The following DIP2B variants were observed in gnomAD, a reference collection of about 807,000 sequenced individuals.
DIP2B encodes the protein DIP2 acetate--CoA ligase B (putative), also known as disco-interacting protein 2 homolog B.
DIP2B carries 76 observed loss-of-function variants against 198.0 expected under a neutral mutation model. That is an observed-to-expected ratio of 0.38 (90% CI 0.32 to 0.46). The LOEUF (loss-of-function observed/expected upper bound fraction) is 0.46, where lower values mean the gene tolerates loss of function less well. DIP2B is among the 20% of genes least tolerant of loss of function. The pLI, the probability that DIP2B is intolerant of heterozygous loss-of-function variation, is 0.99. For synonymous variants in DIP2B, 701 were observed against 739.1 expected, an observed-to-expected ratio of 0.95 and a Z score of 0.84; for missense variants, 1,559 against 1,978.4, an observed-to-expected ratio of 0.79 and a Z score of 4.02.
chr12:50,629,968 ATG>A (rs1938013189), intron 2 of DIP2B, among the ~76,000 whole-genome samples: 1 of 141,026 alleles, frequency 7.1e-6, no homozygotes, highest in Non-Finnish European at 1.5e-5. Context: ...TTTTTTTTTA[ATG>A]AGACAGTCCT....
At chr12:50,732,955 G>C (rs992485892) in intron 32 of DIP2B, among the ~76,000 whole-genome samples, 5 of 151,758 alleles carry the variant, frequency 3.3e-5, no homozygotes, top group Admixed American at 6.6e-5. Context: ...ACCCCAGCTG[G>C]AGTGTAGTGG....
intron 1 of DIP2B, among the ~76,000 whole-genome samples, chr12:50,558,661 G>A (rs752210803): frequency 4.6e-5 from 7 of 152,154 alleles, no homozygotes; most frequent in Non-Finnish European, 1.0e-4. Context: ...CTCATTAAAT[G>A]ACAGTAAGAA....
At chr12:50,631,046 G>A (rs911219341) in intron 2 of DIP2B, among the ~76,000 whole-genome samples, 1 of 152,024 alleles carries the variant, frequency 6.6e-6, no homozygotes, top group Non-Finnish European at 1.5e-5. Context: ...ACTGTTTTAT[G>A]TAGTTAACAA....
intron 4 of DIP2B, among the ~76,000 whole-genome samples, chr12:50,661,669 A>G (rs1224956406): frequency 6.6e-6 from 1 of 152,234 alleles, no homozygotes; most frequent in Non-Finnish European, 1.5e-5. Context: ...CTTCCACATT[A>G]GTACAGCACA....
chr12:50,648,680 T>A (rs2139496946), intron 3 of DIP2B, among the ~76,000 whole-genome samples: 1 of 144,372 alleles, frequency 6.9e-6, no homozygotes, highest in South Asian at 2.2e-4. Context: ...TTTTTTTTTT[T>A]TGAGTTGGGT....
intron 1 of DIP2B, among the ~76,000 whole-genome samples, chr12:50,603,789 T>G (rs1225665741): frequency 1.3e-5 from 2 of 152,214 alleles, no homozygotes; most frequent in Admixed American, 6.5e-5. Context: ...GAGGTATGAC[T>G]TGGCCCACCA....
chr12:50,596,229 T>C (rs1367430014), intron 1 of DIP2B, among the ~76,000 whole-genome samples: 1 of 152,206 alleles, frequency 6.6e-6, no homozygotes, highest in Non-Finnish European at 1.5e-5. Context: ...GTTTTAGAAG[T>C]ATAAAAGTAA....
At chr12:50,634,744 T>A (rs1241076183) in intron 2 of DIP2B, among the ~76,000 whole-genome samples, 1 of 152,206 alleles carries the variant, frequency 6.6e-6, no homozygotes, top group Non-Finnish European at 1.5e-5. Flanking sequence ...GGAGGAACAT[T>A]ATTTTTTATT....
intron 2 of DIP2B, among the ~76,000 whole-genome samples, chr12:50,626,353 G>A (rs912102345): frequency 1.3e-5 from 2 of 152,156 alleles, no homozygotes; most frequent in African/African-American, 2.4e-5. Context: ...AAACCACATC[G>A]TATTTATGAT....
At chr12:50,571,614 G>A (rs552570140) in intron 1 of DIP2B, among the ~76,000 whole-genome samples, 1 of 139,470 alleles carries the variant, frequency 7.2e-6, no homozygotes, top group South Asian at 2.4e-4. Context: ...GTGCAATGGC[G>A]TGATCTTGGC....
intron 1 of DIP2B, among the ~76,000 whole-genome samples, chr12:50,534,442 G>C (rs1393425108): frequency 7.3e-6 from 1 of 136,900 alleles, no homozygotes; most frequent in Non-Finnish European, 1.5e-5. Flanking sequence ...GCGCAATCTC[G>C]GTTCACTGCA....
intron 9 of DIP2B, 150 bp from the exon 10 acceptor site, chr12:50,682,988 C>A: frequency 1.6e-6 from 1 of 636,590 alleles, no homozygotes; most frequent in South Asian, 2.4e-5. Flanking sequence ...GTGTCTCTAT[C>A]TCAGTAACTT....
chr12:50,557,055 C>T (rs1006310366), intron 1 of DIP2B, among the ~76,000 whole-genome samples: 3 of 152,092 alleles, frequency 2.0e-5, no homozygotes, highest in Non-Finnish European at 4.4e-5. Context: ...CCATGTTGGC[C>T]AGGCTGGTCT....
At chr12:50,685,788 C>A in intron 10 of DIP2B, 45 bp from the exon 11 acceptor site, 1 of 1,591,598 alleles carries the variant, frequency 6.3e-7, no homozygotes, top group Non-Finnish European at 8.6e-7. Context: ...CATGAGTGTG[C>A]TCACATTCGC....
At chr12:50,685,608 G>A (rs1378549338) in intron 10 of DIP2B, among the ~76,000 whole-genome samples, 1 of 152,196 alleles carries the variant, frequency 6.6e-6, no homozygotes, top group Non-Finnish European at 1.5e-5. Flanking sequence ...TTTATCATTT[G>A]TAATGTCTGG....
At chr12:50,624,428 G>A (rs1365347850) in intron 1 of DIP2B, among the ~76,000 whole-genome samples, 1 of 152,106 alleles carries the variant, frequency 6.6e-6, no homozygotes, top group African/African-American at 2.4e-5. Flanking sequence ...CACCTCCCGG[G>A]TTCAAGCAAT....
intron 1 of DIP2B, among the ~76,000 whole-genome samples, chr12:50,604,066 T>C (rs1200409243): frequency 6.6e-6 from 1 of 151,892 alleles, no homozygotes; most frequent in Non-Finnish European, 1.5e-5. Flanking sequence ...TTCTGATGGA[T>C]TGTACGCTCC....
rs761545598 is a variant in DIP2B, at chr12:50,674,572, ATAGT to A, written c.742_745del (p.Val248LysfsTer33). 1 of 1,614,090 alleles carries A rather than the reference ATAGT, an allele frequency of 6.2e-7. No homozygotes were observed. Among genetic ancestry groups the A allele is most frequent in the Non-Finnish European group, 8.5e-7 (1 of 1,180,012 alleles). On this transcript the variant is annotated frameshift_variant, in exon 6 of 38. Transcript: ENST00000301180. LOFTEE classifies it high-confidence loss of function. ...AAACATTGACCTGCCCCCCTCGGGG[ATAGT>A]TAAAGGCATGCACAAAGGATCCAAC...
At position 50,708,510 on chromosome 12, in the gene DIP2B, G is replaced by T. The variant is rs1300995104; in HGVS notation, c.2597G>T (p.Arg866Ile). 1 of 1,608,252 alleles carries T rather than the reference G, an allele frequency of 6.2e-7. No individual in the cohort carries two copies. The highest frequency in any genetic ancestry group is 8.5e-7 in the Non-Finnish European group (1 of 1,177,074). Residue 866 changes from arginine (R) to isoleucine (I), a missense_variant, in exon 22 of 38, where the codon AGA becomes ATA. By Grantham distance (97) the Arg-to-Ile change is moderately conservative. Transcript: ENST00000301180. ...DERIVVVAEQ[R>I]PDASEEDSFQ... ...CGCATTGTGGTGGTTGCGGAACAAA[G>T]ACCTGATGCTTCTGAGGAAGATAGT...
Sources: allele counts gnomAD v4.1 joint callset (sites outside exome capture counted in the v4.1 genomes callset), GRCh38; gene constraint gnomAD v4.1.1; transcripts MANE v1.5; gene names NCBI Gene and HGNC (gene_info 2026-07-23, HGNC 2026-07-21).